Variants in CNNM2 observed in about 807,000 individuals in gnomAD.
CNNM2 encodes the protein cyclin and CBS domain divalent metal cation transport mediator 2.
In CNNM2, 12 loss-of-function variants were observed where a neutral mutation model predicts 66.9. The observed-to-expected ratio is 0.18, with a 90% CI of 0.11 to 0.29. CNNM2 has a LOEUF of 0.29. Among genes scored for constraint, CNNM2 ranks in the 10% least tolerant of loss-of-function variants. The pLI is 1.00. For synonymous variants in CNNM2, 557 were observed against 501.8 expected, an observed-to-expected ratio of 1.11 and a Z score of -1.47; for missense variants, 705 against 1,167.7, an observed-to-expected ratio of 0.60 and a Z score of 5.77.
At chr10:102,986,322 C>T (rs570009108) in intron 1 of CNNM2, among the ~76,000 whole-genome samples, 94 of 151,426 alleles carry the variant, frequency 6.2e-4, no homozygotes, top group African/African-American at 1.6e-3. Context: ...GGTGTGATCT[C>T]GGCTCACTGC....
At chr10:103,015,816 G>C (rs1372305593) in intron 1 of CNNM2, among the ~76,000 whole-genome samples, 1 of 152,022 alleles carries the variant, frequency 6.6e-6, no homozygotes, top group Non-Finnish European at 1.5e-5. Flanking sequence ...TCATGCCACT[G>C]CACTCCAACC....
chr10:103,071,116 A>G (rs2065572844), intron 5 of CNNM2, among the ~76,000 whole-genome samples: 1 of 152,156 alleles, frequency 6.6e-6, no homozygotes, highest in African/African-American at 2.4e-5. Flanking sequence ...ACCGACAATA[A>G]TCAGTTCTTA....
chr10:103,059,756 A>G (rs1191666465), intron 4 of CNNM2, among the ~76,000 whole-genome samples: 4 of 152,260 alleles, frequency 2.6e-5, no homozygotes. Context: ...ATACTAAAAA[A>G]AAAAGTCATA....
chr10:103,030,713 G>T (rs550522652), intron 1 of CNNM2, among the ~76,000 whole-genome samples: 2 of 152,054 alleles, frequency 1.3e-5, no homozygotes, highest in South Asian at 2.1e-4. Context: ...CTCTTGGCAG[G>T]GGGGGAAGTC....
At chr10:103,063,078 C>G (rs1436491645) in intron 4 of CNNM2, among the ~76,000 whole-genome samples, 1 of 152,212 alleles carries the variant, frequency 6.6e-6, no homozygotes, top group Non-Finnish European at 1.5e-5. Flanking sequence ...CTGGCACTGA[C>G]ATCTGGTGGT....
At chr10:102,971,415 T>A (rs1564826000) in intron 1 of CNNM2, among the ~76,000 whole-genome samples, 1 of 152,176 alleles carries the variant, frequency 6.6e-6, no homozygotes, top group Admixed American at 6.5e-5. Flanking sequence ...TTGGTTTTTT[T>A]AAGTGCCCAT....
At chr10:102,935,983 GTGT>G (rs1335515448) in intron 1 of CNNM2, among the ~76,000 whole-genome samples, 2 of 151,112 alleles carry the variant, frequency 1.3e-5, no homozygotes, top group Non-Finnish European at 3.0e-5. Context: ...AAACTCTATG[GTGT>G]TTTTTTTTGT....
At chr10:103,011,722 C>G (rs1391438701) in intron 1 of CNNM2, among the ~76,000 whole-genome samples, 1 of 146,252 alleles carries the variant, frequency 6.8e-6, no homozygotes, top group African/African-American at 2.5e-5. Flanking sequence ...GAGTTTCACT[C>G]TTGTTGCCCA....
At position 102,919,116 on chromosome 10, in the gene CNNM2, C is replaced by T. The variant is rs1284330510; in HGVS notation, c.636C>T (p.Val212=). Residue 212 remains valine (V), a synonymous_variant, in exon 1 of 8, where the codon GTC becomes GTT. Transcript: ENST00000369878. ...GCTCGGGGTCCACGGGTGGCGCCGT[C>T]GGGGGCAAGGGTGGCTCGGGGGTGG... ...AGGSGSTGGA[V]GGKGGSGVAG... The T allele has an allele frequency of 5.0e-6, 8 of 1,610,600 alleles. No individual in the cohort carries two copies. The highest frequency in any genetic ancestry group is 6.8e-6 in the Non-Finnish European group (8 of 1,179,072).
chr10:102,957,086 G>A (rs1299428094), intron 1 of CNNM2, among the ~76,000 whole-genome samples: 2 of 152,098 alleles, frequency 1.3e-5, no homozygotes, highest in Non-Finnish European at 2.9e-5. Context: ...CAGATCACTT[G>A]AGGTCAGGAG....
intron 1 of CNNM2, among the ~76,000 whole-genome samples, chr10:102,967,606 G>T (rs1046729271): frequency 2.6e-5 from 4 of 152,208 alleles, no homozygotes; most frequent in Non-Finnish European, 4.4e-5. Flanking sequence ...TAAGTTGTTT[G>T]TTCCTTTATG....
intron 4 of CNNM2, among the ~76,000 whole-genome samples, chr10:103,064,528 A>C (rs1157425037): frequency 1.3e-5 from 2 of 151,494 alleles, no homozygotes; most frequent in African/African-American, 4.8e-5. Context: ...GTGCCTGGCA[A>C]TAGTTGTGTT....
At chr10:103,058,017 A>G (rs1241840238) in intron 4 of CNNM2, among the ~76,000 whole-genome samples, 1 of 152,198 alleles carries the variant, frequency 6.6e-6, no homozygotes, top group African/African-American at 2.4e-5. Context: ...AAATGTGTAG[A>G]TTCAAGCTCG....
chr10:103,023,509 T>C lies in CNNM2; in HGVS notation c.1622-26198T>C, dbSNP rs189832047. Among the ~76,000 whole-genome samples the C allele has an allele frequency of 1.4e-3, 213 of 152,122 alleles. 1 individual carries two copies. Among genetic ancestry groups the C allele is most frequent in the African/African-American group, 4.6e-3 (192 of 41,512 alleles). The stretch of plus-strand genomic sequence containing the variant: ...ATTTTGGTGAGCCGAGATCGTGCCA[T>C]TGCACTCCAGCCTGGGCGACAAGAG... On this transcript the variant is annotated intron_variant, in intron 1 of 7. Coordinates refer to ENST00000369878, the MANE Select transcript of CNNM2 (RefSeq NM_017649.5).
intron 1 of CNNM2, among the ~76,000 whole-genome samples, chr10:102,968,357 C>T (rs1007902324): frequency 6.6e-6 from 1 of 152,128 alleles, no homozygotes; most frequent in Non-Finnish European, 1.5e-5. Context: ...AGTGATTCTC[C>T]TGCCTTAGCC....
chr10:103,039,166 A>T (rs555388962), intron 1 of CNNM2, among the ~76,000 whole-genome samples: 5 of 151,020 alleles, frequency 3.3e-5, no homozygotes, highest in African/African-American at 1.2e-4. Flanking sequence ...TTTTTTTGAG[A>T]TGGAGTCTCG....
intron 1 of CNNM2, among the ~76,000 whole-genome samples, chr10:102,957,219 C>A (rs1334654947): frequency 6.6e-6 from 1 of 152,140 alleles, no homozygotes; most frequent in Non-Finnish European, 1.5e-5. Flanking sequence ...GCAGGAGAAT[C>A]GCCTTGTACC....
At chr10:103,028,089 C>T (rs568199874) in intron 1 of CNNM2, among the ~76,000 whole-genome samples, 17 of 152,176 alleles carry the variant, frequency 1.1e-4, no homozygotes, top group African/African-American at 3.4e-4. Context: ...GGTCAGTGAC[C>T]GAGAGCAGCC....
chr10:103,011,135 T>G (rs572936509), intron 1 of CNNM2, among the ~76,000 whole-genome samples: 1 of 152,184 alleles, frequency 6.6e-6, no homozygotes. Flanking sequence ...GAAAGGTGTG[T>G]GTCAGTGAGT....
Sources: gnomAD v4.1 joint callset for allele counts (sites outside exome capture counted in the v4.1 genomes callset) on GRCh38, gnomAD v4.1.1 for gene constraint, MANE v1.5 for transcripts, NCBI Gene and HGNC (gene_info 2026-07-23, HGNC 2026-07-21) for gene names.